INO80: variants seen among roughly 807,000 people sequenced by gnomAD.
INO80 encodes INO80 complex ATPase subunit.
A neutral mutation model predicts 203.4 loss-of-function variants in INO80; 20 were observed. The ratio of observed to expected loss-of-function variants is 0.10; its 90% confidence interval spans 0.07 to 0.14. INO80 has a LOEUF of 0.14. Among genes scored for constraint, INO80 ranks in the 10% least tolerant of loss-of-function variants. INO80 has a pLI of 1.00. For synonymous variants in INO80, 726 were observed against 685.2 expected (o/e 1.06, Z -0.93); for missense variants, 1,419 against 1,914.4 (o/e 0.74, Z 4.83).
At chr15:41,112,786 CAAAAAAAAAAAAAAA>C (rs893121991) in intron 1 of INO80, among the ~76,000 whole-genome samples, 15 of 19,200 alleles carry the variant, frequency 7.8e-4, no homozygotes, top group Admixed American at 3.5e-3. Context: ...GACTCCATCT[CAAAAAAAAAAAAAAA>C]AAAAAAAAAA....
Position 41,056,472 on chromosome 15 carries a change from T to TA in INO80, c.2070+149dup, listed in dbSNP as rs2044986768. The TA allele has an allele frequency of 6.4e-6, 4 of 624,610 alleles. No homozygotes were observed. The East Asian group carries it at 1.0e-4, about 16-fold the overall frequency. 38.7% of individuals were successfully genotyped at this position (624,610 alleles called of 1,614,324 possible). A position where few individuals can be genotyped will look rare whatever the true frequency, so the allele number is the denominator to read the frequency against. On this transcript the variant is annotated intron_variant, in intron 17 of 35. Transcript: ENST00000648947. ...AGAAAACAGGAATGATGCCTATGCC[T>TA]AAAAGACGACTTGGGGCAAGTCTTT...
chr15:41,060,731 C>A (rs1190962269), intron 14 of INO80, among the ~76,000 whole-genome samples: 1 of 152,152 alleles, frequency 6.6e-6, no homozygotes, highest in African/African-American at 2.4e-5. Flanking sequence ...TAGGTACCGA[C>A]TCCCCGCCTC....
intron 24 of INO80, among the ~76,000 whole-genome samples, chr15:41,031,395 AAAG>A (rs1276311747): frequency 6.7e-6 from 1 of 148,998 alleles, no homozygotes; most frequent in African/African-American, 2.5e-5. Flanking sequence ...TGAAAGAAAG[AAAG>A]AAGAAAAGTG....
chr15:40,980,205 G>A lies in INO80; in HGVS notation c.*18C>T. 6.2e-7 allele frequency: 1 copy of A among 1,607,292 alleles called. No homozygotes were observed. Among genetic ancestry groups the A allele is most frequent in the Non-Finnish European group, 8.5e-7 (1 of 1,175,424 alleles). On this transcript the variant is annotated 3_prime_UTR_variant, in exon 36 of 36. Transcript: ENST00000648947. ...TCTAGCCCTGGTTTGGTTGAAGGAA[G>A]TCGGAGGGCCCAGATGGTTACCGTC... is the stretch of plus-strand genomic sequence containing the variant.
chr15:41,103,626 A>G (rs2045839974), intron 1 of INO80, among the ~76,000 whole-genome samples: 1 of 152,054 alleles, frequency 6.6e-6, no homozygotes, highest in Admixed American at 6.6e-5. Context: ...CCTGAACTCA[A>G]GTGATCCACC....
chr15:41,072,458 C>A (rs1361130361), intron 11 of INO80, among the ~76,000 whole-genome samples: 2 of 151,652 alleles, frequency 1.3e-5, no homozygotes, highest in East Asian at 3.9e-4. Flanking sequence ...CAGTGGCTCA[C>A]GCCTGTAATC....
intron 23 of INO80, 130 bp downstream of exon 23, chr15:41,047,278 C>G (rs1031613615): frequency 3.0e-4 from 215 of 716,162 alleles, no homozygotes; most frequent in Non-Finnish European, 8.8e-5. Flanking sequence ...AAACTTTATT[C>G]TTAACAAAAG....
chr15:41,104,113 T>A (rs1217036896), intron 1 of INO80, among the ~76,000 whole-genome samples: 1 of 142,744 alleles, frequency 7.0e-6, no homozygotes, highest in Non-Finnish European at 1.5e-5. Flanking sequence ...CCCAGCTACT[T>A]GGGAGGCTGA....
At chr15:41,085,224 C>T in intron 7 of INO80, 145 bp downstream of exon 7, 1 of 702,850 alleles carries the variant, frequency 1.4e-6, no homozygotes, top group Non-Finnish European at 2.5e-6. Context: ...TGAAAGAGTA[C>T]TACTCAGCAT....
chr15:41,074,751 C>A (rs1429690930), intron 9 of INO80, among the ~76,000 whole-genome samples, 186 bp from the exon 10 acceptor site: 1 of 152,092 alleles, frequency 6.6e-6, no homozygotes, highest in Non-Finnish European at 1.5e-5. Context: ...GAATAAATTT[C>A]TTTTCCTTTT....
At position 41,049,388 on chromosome 15, in the gene INO80, T is replaced by C; in HGVS notation, c.2475A>G (p.Gln825=). The C allele has an allele frequency of 6.2e-7, 1 of 1,614,060 alleles. No individual in the cohort carries two copies. Among genetic ancestry groups the C allele is most frequent in the Non-Finnish European group, 8.5e-7 (1 of 1,179,908 alleles). ...AAATATGAAATGGAGACCAAGTTTC[T>C]TGCCGTTCAAATAACTCCGGGTGAT... is the stretch of plus-strand genomic sequence containing the variant. ...VCNHPELFER[Q]ETWSPFHISL... is the part of the protein sequence containing the mutation. The change falls in exon 21 of 36, where the codon CAA becomes CAG. Residue 825 remains glutamine (Q), a synonymous_variant. Coordinates refer to ENST00000648947, the MANE Select transcript of INO80 (RefSeq NM_017553.3).
intron 31 of INO80, among the ~76,000 whole-genome samples, chr15:40,986,470 G>C (rs1332621838): frequency 1.3e-5 from 2 of 151,654 alleles, no homozygotes; most frequent in African/African-American, 4.8e-5. Flanking sequence ...GATTACACGT[G>C]CCCACCACCA....
chr15:41,057,653 C>T lies in INO80; in HGVS notation c.1986-947G>A, dbSNP rs543421508. ...CTCTACTAAAAATACAAAAATTAGC[C>T]GGACATGGTGGTGAGCACTTGTAAT... On this transcript the variant is annotated intron_variant, in intron 16 of 35. Coordinates refer to ENST00000648947, the MANE Select transcript of INO80 (RefSeq NM_017553.3). Among the ~76,000 whole-genome samples the T allele has an allele frequency of 1.1e-4, 17 of 151,338 alleles. 1 individual carries two copies. The highest frequency in any genetic ancestry group is 3.9e-4 in the African/African-American group (16 of 41,226).
In INO80 at chr15:41,078,570, G is replaced by C. The variant is rs532003045; in HGVS notation, c.1131+1131C>G. ...CTGAGCAAAATCCATCTTCATTCTC[G>C]AAGTCATGATAAAATAAGGGAAGAT... is the stretch of plus-strand genomic sequence containing the variant. On this transcript the variant is annotated intron_variant, in intron 9 of 35. Coordinates refer to ENST00000648947, the MANE Select transcript of INO80 (RefSeq NM_017553.3). Among the ~76,000 whole-genome samples the C allele has an allele frequency of 5.3e-4, 81 of 152,214 alleles. No individual in the cohort carries two copies. In the South Asian group the frequency reaches 0.014, roughly 26 times the overall value.
chr15:41,068,417 C>T (rs575653416), intron 14 of INO80, among the ~76,000 whole-genome samples: 2 of 152,016 alleles, frequency 1.3e-5, no homozygotes, highest in South Asian at 4.2e-4. Context: ...CAAAATTAGC[C>T]GGGCATGGTG....
intron 1 of INO80, among the ~76,000 whole-genome samples, chr15:41,097,461 T>C (rs944443295): frequency 2.0e-5 from 3 of 152,154 alleles, no homozygotes; most frequent in African/African-American, 7.2e-5. Context: ...GCCCACCAAA[T>C]GACATAAATA....
At chr15:41,075,777 G>A (rs533596305) in intron 9 of INO80, among the ~76,000 whole-genome samples, 50 of 151,794 alleles carry the variant, frequency 3.3e-4, no homozygotes, top group African/African-American at 1.1e-3. Context: ...TTTTTTAGTA[G>A]AGACGGGTTT....
chr15:41,002,057 C>T (rs531208474), intron 28 of INO80, among the ~76,000 whole-genome samples: 1 of 152,320 alleles, frequency 6.6e-6, no homozygotes, highest in Admixed American at 6.5e-5. Flanking sequence ...TTGCCATAAT[C>T]CCAACTCTAA....
At chr15:41,053,574 GAAAATACTTCATAAACAAATATTCA>G (rs2044924603) in intron 19 of INO80, among the ~76,000 whole-genome samples, 2 of 152,232 alleles carry the variant, frequency 1.3e-5, no homozygotes, top group South Asian at 4.1e-4. Flanking sequence ...AAATATACAT[GAAAATACTTCATAAACAAATATTCA>G]TTTATAAAAC....
Sources: gnomAD v4.1 joint callset for allele counts (sites outside exome capture counted in the v4.1 genomes callset) on GRCh38, gnomAD v4.1.1 for gene constraint, MANE v1.5 for transcripts, NCBI Gene and HGNC (gene_info 2026-07-23, HGNC 2026-07-21) for gene names.